Variants in PCDHGA5 observed in about 807,000 individuals in gnomAD.
PCDHGA5 encodes protocadherin gamma-A5.
Under a neutral mutation model 56.7 loss-of-function variants are expected in PCDHGA5, and 36 were observed. The observed-to-expected ratio is 0.64, with a 90% CI of 0.49 to 0.84. PCDHGA5 has a LOEUF of 0.84. Among genes scored for constraint, PCDHGA5 ranks in the 40% least tolerant of loss-of-function variants. The pLI is 0.00. For missense variants in PCDHGA5, 1,305 were observed against 1,201.5 expected, an observed-to-expected ratio of 1.09 and a Z score of -1.27; for synonymous variants, 563 against 520.2, an observed-to-expected ratio of 1.08 and a Z score of -1.12.
intron 1 of PCDHGA5, chr5:141,388,947 A>T: frequency 6.2e-7 from 1 of 1,614,054 alleles, no homozygotes; most frequent in Non-Finnish European, 8.5e-7. Context: ...CAACCTAATT[A>T]TGGAGGACGC....
At chr5:141,506,609 T>C (rs1375963880) in intron 3 of PCDHGA5, among the ~76,000 whole-genome samples, 1 of 152,184 alleles carries the variant, frequency 6.6e-6, no homozygotes, top group African/African-American at 2.4e-5. Context: ...GATCTCATTG[T>C]GGTGTTACCA....
At position 141,477,530 on chromosome 5, in the gene PCDHGA5, C is replaced by A; in HGVS notation, c.2422-17277C>A. The A allele has an allele frequency of 6.2e-7, 1 of 1,614,186 alleles. No homozygotes were observed. The highest frequency in any genetic ancestry group is 1.1e-5 in the South Asian group (1 of 91,082). ...CGTTTACATTGAAGAAAACAACCTCCCCGGGGCTCCAATACTAAACCTAAG... is the reference window on the plus strand; with the variant it reads ...CGTTTACATTGAAGAAAACAACCTCACCGGGGCTCCAATACTAAACCTAAG... On this transcript the variant is annotated intron_variant, in intron 1 of 3. Coordinates refer to ENST00000518069, the MANE Select transcript of PCDHGA5 (RefSeq NM_018918.3). The surrounding 1 kb of genome is among the most constrained non-coding windows in gnomAD (Gnocchi z 4.9).
At chr5:141,467,131 C>A (rs1441537783) in intron 1 of PCDHGA5, among the ~76,000 whole-genome samples, 1 of 151,702 alleles carries the variant, frequency 6.6e-6, no homozygotes, top group African/African-American at 2.4e-5. Flanking sequence ...CAGCTCACTG[C>A]AACCTCTGCC....
intron 3 of PCDHGA5, among the ~76,000 whole-genome samples, chr5:141,509,568 C>T (rs535982453): frequency 3.3e-5 from 5 of 152,336 alleles, no homozygotes; most frequent in Admixed American, 2.0e-4. Flanking sequence ...GCAGCCTTCA[C>T]AGTGCGTACA....
At chr5:141,389,391 G>C (rs544096177) in intron 1 of PCDHGA5, 9 of 1,613,686 alleles carry the variant, frequency 5.6e-6, no homozygotes, top group African/African-American at 1.3e-5. Context: ...GTCATCCTAC[G>C]TGTCCATAAG....
At chr5:141,443,131 A>C (rs1042010214) in intron 1 of PCDHGA5, among the ~76,000 whole-genome samples, 2 of 152,144 alleles carry the variant, frequency 1.3e-5, no homozygotes, top group African/African-American at 4.8e-5. Flanking sequence ...GATTAAGAAC[A>C]CTATCATAAG....
intron 1 of PCDHGA5, chr5:141,374,822 T>C: frequency 6.2e-7 from 1 of 1,613,984 alleles, no homozygotes; most frequent in Non-Finnish European, 8.5e-7. Context: ...TCAGCCTGTC[T>C]ACCGTGTAAG....
chr5:141,366,865 G>C, intron 1 of PCDHGA5, 114 bp downstream of exon 1: 2 of 1,405,810 alleles, frequency 1.4e-6, no homozygotes, highest in South Asian at 2.9e-5. Flanking sequence ...ATTATTTGCT[G>C]TATTGGAGAT....
In PCDHGA5 at chr5:141,432,212, G is replaced by T. The variant is rs2097468822; in HGVS notation, c.2422-62595G>T. 8 of 1,614,184 alleles carry T rather than the reference G, an allele frequency of 5.0e-6. No homozygotes were observed. In the East Asian group the frequency reaches 1.3e-4, roughly 27 times the overall value. ...CCACGACCCCGACTGTGAAGAGAAC[G>T]CCCAGATCACTTATTCCCTGGCTGA... On this transcript the variant is annotated intron_variant, in intron 1 of 3. Transcript: ENST00000518069. The surrounding 1 kb of genome is among the most constrained non-coding windows in gnomAD (Gnocchi z 6.0).
At chr5:141,399,818 G>A in intron 1 of PCDHGA5, 1 of 1,613,204 alleles carries the variant, frequency 6.2e-7, no homozygotes, top group Non-Finnish European at 8.5e-7. Context: ...CCCGCGCTGG[G>A]TCCCGACGGC....
At chr5:141,428,147 G>T (rs771536400) in intron 1 of PCDHGA5, 1 of 1,589,612 alleles carries the variant, frequency 6.3e-7, no homozygotes, top group South Asian at 1.1e-5. Flanking sequence ...GGCTGCACAC[G>T]GGAACCTGCT....
intron 1 of PCDHGA5, chr5:141,388,295 C>A (rs766909730): frequency 8.1e-6 from 13 of 1,613,442 alleles, no homozygotes; most frequent in Non-Finnish European, 1.1e-5. Flanking sequence ...CGCAAAATTC[C>A]TTTGAGCTGC....
At chr5:141,504,340 G>C (rs1240423982) in intron 2 of PCDHGA5, among the ~76,000 whole-genome samples, 1 of 152,062 alleles carries the variant, frequency 6.6e-6, no homozygotes, top group Non-Finnish European at 1.5e-5. Flanking sequence ...CAAGTGCTAG[G>C]CTTTGTGCTA....
Position 141,431,939 on chromosome 5 carries a change from T to A in PCDHGA5, c.2422-62868T>A, listed in dbSNP as rs1377573207. The A allele has an allele frequency of 2.2e-5, 35 of 1,613,996 alleles. No individual in the cohort carries two copies. The highest frequency in any genetic ancestry group is 2.9e-5 in the Non-Finnish European group (34 of 1,180,000). On this transcript the variant is annotated intron_variant, in intron 1 of 3. Coordinates refer to ENST00000518069, the MANE Select transcript of PCDHGA5 (RefSeq NM_018918.3). This position sits in a 1 kb window ranked among gnomAD's most constrained non-coding sequence, Gnocchi z 4.8. ...CATCCAAGGAAATCTGCCCTTTAAA[T>A]TAGAAAAATCTTACGGAAATTACTA...
At chr5:141,376,773 G>A (rs1773367206) in intron 1 of PCDHGA5, 1 of 400,602 alleles carries the variant, frequency 2.5e-6, no homozygotes, top group East Asian at 5.1e-5. Context: ...TGCAAGCTCC[G>A]CTTCCCGGGT....
intron 1 of PCDHGA5, chr5:141,412,979 C>A: frequency 1.8e-6 from 1 of 542,930 alleles, no homozygotes; most frequent in Non-Finnish European, 3.2e-6. Flanking sequence ...AAAACGCAGC[C>A]AGAGCTCAAT....
At position 141,394,009 on chromosome 5, in the gene PCDHGA5, G is replaced by C. The variant is rs1554094356; in HGVS notation, c.2421+27258G>C. The C allele has an allele frequency of 1.2e-6, 2 of 1,613,394 alleles. No homozygotes were observed. Among genetic ancestry groups the C allele is most frequent in the Admixed American group, 3.3e-5 (2 of 59,950 alleles). On this transcript the variant is annotated intron_variant, in intron 1 of 3. Coordinates refer to ENST00000518069, the MANE Select transcript of PCDHGA5 (RefSeq NM_018918.3). ...CCTTTTAAATTAGAAAAGTCAATAG[G>C]TAATTATTATAGATTAGTGACAAGG... is the stretch of plus-strand genomic sequence containing the variant.
intron 1 of PCDHGA5, among the ~76,000 whole-genome samples, chr5:141,446,747 G>T (rs997132200): frequency 3.9e-5 from 6 of 152,190 alleles, no homozygotes; most frequent in Non-Finnish European, 8.8e-5. Context: ...GATTACAGGC[G>T]TGAGCCACCG....
rs567684479 is a variant in PCDHGA5 at position 141,432,875 on chromosome 5, G to T, written c.2422-61932G>T. The T allele has an allele frequency of 6.2e-7, 1 of 1,614,178 alleles. No individual in the cohort carries two copies. Among genetic ancestry groups the T allele is most frequent in the South Asian group, 1.1e-5 (1 of 91,084 alleles). ...GGCCGCGGTCTCCTGCGTCTTCCTG[G>T]CCTTCGTCATCTTGCTGCTGGCGCT... On this transcript the variant is annotated intron_variant, in intron 1 of 3. Coordinates refer to ENST00000518069, the MANE Select transcript of PCDHGA5 (RefSeq NM_018918.3). This position sits in a 1 kb window ranked among gnomAD's most constrained non-coding sequence, Gnocchi z 6.0.
Sources: allele counts gnomAD v4.1 joint callset (sites outside exome capture counted in the v4.1 genomes callset), GRCh38; gene constraint gnomAD v4.1.1; non-coding constraint Gnocchi (gnomAD v3.1); transcripts MANE v1.5; gene names NCBI Gene and HGNC (gene_info 2026-07-23, HGNC 2026-07-21).